The following SHISA9 variants were observed in gnomAD, a reference collection of about 807,000 sequenced individuals.
SHISA9 encodes shisa family member 9, also known as protein shisa-9.
SHISA9 carries 13 observed loss-of-function variants against 38.0 expected under a neutral mutation model. That is an observed-to-expected ratio of 0.34 (90% CI 0.22 to 0.54). The LOEUF (loss-of-function observed/expected upper bound fraction) is 0.54. Among genes scored for constraint, SHISA9 ranks in the 20% least tolerant of loss-of-function variants. SHISA9 has a pLI of 0.91. For missense variants in SHISA9, 538 were observed against 575.8 expected (o/e 0.93, Z 0.67); for synonymous variants, 275 against 242.0 (o/e 1.14, Z -1.27).
At chr16:13,345,233 A>G in the SHISA9 span, among the ~76,000 whole-genome samples, 3 of 151,900 alleles carry the variant, frequency 2.0e-5, no homozygotes, top group African/African-American at 4.8e-5. Context: ...CCCATTAGTT[A>G]TTTTTCCTGA....
chr16:12,950,087 T>C (rs998243282), intron 2 of SHISA9, among the ~76,000 whole-genome samples: 2 of 152,240 alleles, frequency 1.3e-5, no homozygotes, highest in African/African-American at 4.8e-5. Flanking sequence ...ATAAACTTTT[T>C]TCGTTCCTAC....
chr16:13,060,625 G>C (rs2073362651), intron 2 of SHISA9, among the ~76,000 whole-genome samples: 4 of 121,996 alleles, frequency 3.3e-5, no homozygotes, highest in Admixed American at 2.9e-4. Flanking sequence ...GCAACACAGT[G>C]AGACCCCATC....
the SHISA9 span, among the ~76,000 whole-genome samples, chr16:13,297,246 T>A: frequency 6.6e-6 from 1 of 152,212 alleles, no homozygotes; most frequent in Admixed American, 6.5e-5. Flanking sequence ...ATGGTTTTGT[T>A]CATCATTCTT....
chr16:13,449,704 A>G, the SHISA9 span, among the ~76,000 whole-genome samples: 1 of 152,156 alleles, frequency 6.6e-6, no homozygotes, highest in African/African-American at 2.4e-5. Flanking sequence ...GGCAAACCCC[A>G]TTTCCATATG....
At chr16:13,403,083 G>A in the SHISA9 span, among the ~76,000 whole-genome samples, 23 of 150,688 alleles carry the variant, frequency 1.5e-4, no homozygotes, top group African/African-American at 5.1e-4. Context: ...CAGCCTGGGG[G>A]ACAGAGTGAG....
chr16:13,527,572 G>A, the SHISA9 span, among the ~76,000 whole-genome samples: 2 of 152,190 alleles, frequency 1.3e-5, no homozygotes, highest in Non-Finnish European at 2.9e-5. Context: ...TTTCTTGTAT[G>A]TGTAGGTAGT....
chr16:13,021,872 G>C (rs2072859195), intron 2 of SHISA9, among the ~76,000 whole-genome samples: 1 of 152,168 alleles, frequency 6.6e-6, no homozygotes, highest in Admixed American at 6.5e-5. Flanking sequence ...AGAAAGCATA[G>C]TAGTGTCCTA....
chr16:13,380,211 A>T, the SHISA9 span, among the ~76,000 whole-genome samples: 2 of 152,192 alleles, frequency 1.3e-5, no homozygotes, highest in Non-Finnish European at 2.9e-5. Flanking sequence ...AAGAAAAAAT[A>T]AAAGAAAAAA....
At chr16:13,241,069 C>T (rs1429345802), downstream of SHISA9, among the ~76,000 whole-genome samples, 5 of 152,184 alleles carry the variant, frequency 3.3e-5, no homozygotes, top group African/African-American at 1.2e-4. Flanking sequence ...GTTGAACACA[C>T]ACACAGAATC....
intron 2 of SHISA9, among the ~76,000 whole-genome samples, chr16:13,184,456 TA>T (rs2050803496): frequency 6.6e-6 from 1 of 152,242 alleles, no homozygotes; most frequent in Admixed American, 6.5e-5. Context: ...GCATATTTTT[TA>T]AAAACTTTTT....
At chr16:13,307,050 T>TA in the SHISA9 span, among the ~76,000 whole-genome samples, 1 of 152,170 alleles carries the variant, frequency 6.6e-6, no homozygotes, top group African/African-American at 2.4e-5. Flanking sequence ...TATTAAGAAA[T>TA]AAAAATATCA....
the SHISA9 span, among the ~76,000 whole-genome samples, chr16:13,326,354 C>T: frequency 6.6e-6 from 1 of 152,132 alleles, no homozygotes; most frequent in Admixed American, 6.5e-5. Flanking sequence ...ATCATAGTGG[C>T]CTTACTTGGG....
At chr16:13,545,696 C>T in the SHISA9 span, among the ~76,000 whole-genome samples, 1 of 152,168 alleles carries the variant, frequency 6.6e-6, no homozygotes. Flanking sequence ...TCTTCTCTCA[C>T]GCCATGGCCT....
At chr16:13,119,198 T>C (rs866367654) in intron 2 of SHISA9, among the ~76,000 whole-genome samples, 35 of 152,310 alleles carry the variant, frequency 2.3e-4, no homozygotes, top group Admixed American at 2.0e-3. Flanking sequence ...TCATTTAAGC[T>C]TCTCCCTCTC....
At chr16:13,078,711 T>C (rs79829199) in intron 2 of SHISA9, among the ~76,000 whole-genome samples, 7 of 152,296 alleles carry the variant, frequency 4.6e-5, no homozygotes, top group Non-Finnish European at 1.0e-4. Flanking sequence ...TGGCCCCTTC[T>C]CAACTATTTT....
At chr16:13,272,527 C>G in the SHISA9 span, among the ~76,000 whole-genome samples, 10 of 152,090 alleles carry the variant, frequency 6.6e-5, no homozygotes, top group Admixed American at 1.3e-4. Flanking sequence ...TGTACCCAGC[C>G]TAGAACCTCA....
the SHISA9 span, among the ~76,000 whole-genome samples, chr16:13,255,791 TAAG>T: frequency 6.6e-6 from 1 of 152,222 alleles, no homozygotes; most frequent in South Asian, 2.1e-4. Context: ...AGAAAAGACT[TAAG>T]AAGACATGAC....
At chr16:13,362,391 G>A in the SHISA9 span, among the ~76,000 whole-genome samples, 4 of 151,862 alleles carry the variant, frequency 2.6e-5, no homozygotes, top group Non-Finnish European at 5.9e-5. Context: ...TTGTGCCACT[G>A]CACTCCAGCC....
chr16:13,103,331 C>G (rs1453458465), intron 2 of SHISA9, among the ~76,000 whole-genome samples: 5 of 152,214 alleles, frequency 3.3e-5, no homozygotes, highest in Non-Finnish European at 7.3e-5. Context: ...TTATCTTTCT[C>G]CAGCAAGCCT....
Sources: gnomAD v4.1 joint callset for allele counts (sites outside exome capture counted in the v4.1 genomes callset) on GRCh38, gnomAD v4.1.1 for gene constraint, MANE v1.5 for transcripts, NCBI Gene and HGNC (gene_info 2026-07-23, HGNC 2026-07-21) for gene names.